AGAP1: variants seen among roughly 807,000 people sequenced by gnomAD.
AGAP1 encodes ArfGAP with GTPase domain, ankyrin repeat and PH domain 1, also known as arf-GAP with GTPase, ANK repeat and PH domain-containing protein 1.
A neutral mutation model predicts 105.3 loss-of-function variants in AGAP1; 29 were observed. The ratio of observed to expected loss-of-function variants is 0.28; its 90% CI spans 0.21 to 0.38. The LOEUF (loss-of-function observed/expected upper bound fraction) is 0.38. AGAP1 is among the 10% of genes least tolerant of loss of function. AGAP1 has a pLI of 1.00. For missense variants in AGAP1, 998 were observed against 1,165.1 expected, an observed-to-expected ratio of 0.86 and a Z score of 2.09; for synonymous variants, 509 against 485.9, an observed-to-expected ratio of 1.05 and a Z score of -0.63.
chr2:235,797,702 G>A, intron 6 of AGAP1, 57 bp from the exon 7 acceptor site: 2 of 1,609,032 alleles, frequency 1.2e-6, no homozygotes, highest in Non-Finnish European at 1.7e-6. Flanking sequence ...TCTCTGCTCT[G>A]TTCCTGAATT....
rs2060072757 is a variant in AGAP1 at position 236,130,817 on chromosome 2, G to A, written c.*6695G>A. ...GTTCTCAGGGTAGGAGAACAGAGAAGGCTCCAAGGGTGTTGGGAGTGAGCC... is the reference window on the plus strand; with the variant it reads ...GTTCTCAGGGTAGGAGAACAGAGAAAGCTCCAAGGGTGTTGGGAGTGAGCC... On this transcript the variant is annotated 3_prime_UTR_variant, in exon 18 of 18. Transcript: ENST00000304032. This position sits in a 1 kb window ranked among gnomAD's most constrained non-coding sequence, Gnocchi z 5.8. The A allele has an allele frequency of 6.6e-6, 1 of 152,466 alleles. No individual in the cohort carries two copies. Among genetic ancestry groups the A allele is most frequent in the Admixed American group, 6.5e-5 (1 of 15,288 alleles). The allele number at this position is 152,466 out of a possible 1,614,324, so 9.4% of individuals were successfully genotyped here.
In AGAP1 at chr2:235,936,616, A is replaced by AT. The variant is rs529087705; in HGVS notation, c.1483+5701dup. Among the ~76,000 whole-genome samples, 150 of 151,950 alleles carry AT rather than the reference A, an allele frequency of 9.9e-4. No homozygotes were observed. The highest frequency in any genetic ancestry group is 2.1e-3 in the Admixed American group (32 of 15,252). ...CAATTTTAATCATTATAGTTGGAGC[A>AT]TTTTTTTTCTCTTCTTGGATATTAT... On this transcript the variant is annotated intron_variant, in intron 12 of 17. Transcript: ENST00000304032. The surrounding 1 kb of genome is among the most constrained non-coding windows in gnomAD (Gnocchi z 4.7).
At chr2:235,944,530 C>T (rs2053404430) in intron 12 of AGAP1, among the ~76,000 whole-genome samples, 2 of 152,240 alleles carry the variant, frequency 1.3e-5, no homozygotes, top group Admixed American at 6.5e-5. Flanking sequence ...TTTAAGCTTT[C>T]CAAGTTGGGA....
In AGAP1 at chr2:236,095,094, C is replaced by T. The variant is rs1479452035; in HGVS notation, c.2115-25098C>T. On this transcript the variant is annotated intron_variant, in intron 16 of 17. Coordinates refer to ENST00000304032, the MANE Select transcript of AGAP1 (RefSeq NM_001037131.3). This position sits in a 1 kb window ranked among gnomAD's most constrained non-coding sequence, Gnocchi z 4.1. ...AGCCTTGGTGAGAGTGAGACACTGT[C>T]TCAAAAAAGTTGTGGGGGCAGGGCA... 6.7e-6 allele frequency among the ~76,000 whole-genome samples: 1 copy of T among 150,262 alleles called. No homozygotes were observed. The highest frequency in any genetic ancestry group is 1.5e-5 in the Non-Finnish European group (1 of 67,702).
chr2:236,059,853 A>C (rs1209182010), intron 16 of AGAP1, among the ~76,000 whole-genome samples: 1 of 152,176 alleles, frequency 6.6e-6, no homozygotes, highest in Admixed American at 6.5e-5. Context: ...GCACTTTGGG[A>C]GGCTGAGGCG....
At position 235,639,570 on chromosome 2, in the gene AGAP1, C is replaced by T. The variant is rs186853658; in HGVS notation, c.164-69609C>T. ...ATCTCATGGTGGGTGGGACTTGTCG[C>T]CGTCATGCACTCAGCACTCTCTGGC... On this transcript the variant is annotated intron_variant, in intron 1 of 17. Transcript: ENST00000304032. The surrounding 1 kb of genome is among the most constrained non-coding windows in gnomAD (Gnocchi z 5.3). Among the ~76,000 whole-genome samples the T allele has an allele frequency of 6.6e-6, 1 of 152,150 alleles. No homozygotes were observed. Among genetic ancestry groups the T allele is most frequent in the Non-Finnish European group, 1.5e-5 (1 of 68,032 alleles).
At chr2:235,859,390 A>ACCC (rs1464279454) in intron 9 of AGAP1, among the ~76,000 whole-genome samples, 7 of 21,382 alleles carry the variant, frequency 3.3e-4, no homozygotes, top group East Asian at 3.3e-3. Context: ...TCCCCCCACA[A>ACCC]CCTCCCCCCC....
In AGAP1 at chr2:235,992,421, G is replaced by A. The variant is rs964318192; in HGVS notation, c.1645+23798G>A. ...AACTCCTGTGCTTTGAGTGTCTGGC[G>A]TTCAGTGGCAGGGGACCCTCCATGT... is the stretch of plus-strand genomic sequence containing the variant. On this transcript the variant is annotated intron_variant, in intron 13 of 17. Coordinates refer to ENST00000304032, the MANE Select transcript of AGAP1 (RefSeq NM_001037131.3). The surrounding 1 kb of genome is among the most constrained non-coding windows in gnomAD (Gnocchi z 4.8). Among the ~76,000 whole-genome samples the A allele has an allele frequency of 1.3e-5, 2 of 152,142 alleles. No homozygotes were observed. Among genetic ancestry groups the A allele is most frequent in the Non-Finnish European group, 2.9e-5 (2 of 68,020 alleles).
rs12472982 is a variant in AGAP1 at position 235,788,018 on chromosome 2, T to C, written c.674-9741T>C. ...AAGAGTTTGACCAAGTATTATACAT[T>C]CTGGGACCTTCCTAGGCCATTGGCA... On this transcript the variant is annotated intron_variant, in intron 6 of 17. Coordinates refer to ENST00000304032, the MANE Select transcript of AGAP1 (RefSeq NM_001037131.3). This position sits in a 1 kb window ranked among gnomAD's most constrained non-coding sequence, Gnocchi z 6.0. Among the ~76,000 whole-genome samples, 39,334 of 152,134 alleles carry C rather than the reference T, an allele frequency of 0.26. 5,452 individuals are homozygous for C. The highest frequency in any genetic ancestry group is 0.4 in the Admixed American group (6,053 of 15,286).
chr2:235,682,107 T>A (rs569503711), intron 1 of AGAP1, among the ~76,000 whole-genome samples: 5 of 152,212 alleles, frequency 3.3e-5, no homozygotes, highest in Non-Finnish European at 7.4e-5. Context: ...CATCTTGGCC[T>A]CCCAAAGTGC....
chr2:235,625,131 G>A lies in AGAP1; in HGVS notation c.164-84048G>A, dbSNP rs1423208184. On this transcript the variant is annotated intron_variant, in intron 1 of 17. Coordinates refer to ENST00000304032, the MANE Select transcript of AGAP1 (RefSeq NM_001037131.3). The surrounding 1 kb of genome is among the most constrained non-coding windows in gnomAD (Gnocchi z 4.0). ...CACAGCAGGTGTGATCATTGGATGA[G>A]GAAGGCTCTCGGAATCATTCCAGGT... Among the ~76,000 whole-genome samples the A allele has an allele frequency of 6.6e-6, 1 of 152,176 alleles. No individual in the cohort carries two copies. Among genetic ancestry groups the A allele is most frequent in the Non-Finnish European group, 1.5e-5 (1 of 68,042 alleles).
rs2050558111 is a variant in AGAP1 at position 235,891,785 on chromosome 2, T to A, written c.1155+8336T>A. On this transcript the variant is annotated intron_variant, in intron 10 of 17. Transcript: ENST00000304032. The surrounding 1 kb of genome is among the most constrained non-coding windows in gnomAD (Gnocchi z 4.2). ...TGGCTCTCTGGGCTTCCTCAGGAGG[T>A]CGTTTGGCAGCTGTGAAACTCCTCC... 6.6e-6 allele frequency among the ~76,000 whole-genome samples: 1 copy of A among 151,852 alleles called. No individual in the cohort carries two copies. Among genetic ancestry groups the A allele is most frequent in the African/African-American group, 2.4e-5 (1 of 41,288 alleles).
intron 2 of AGAP1, among the ~76,000 whole-genome samples, chr2:235,715,795 C>G (rs755841056): frequency 2.0e-5 from 3 of 152,120 alleles, no homozygotes; most frequent in Non-Finnish European, 2.9e-5. Context: ...GAGGTGGCAG[C>G]AAGGTGCCCA....
At chr2:235,880,986 T>C (rs2049994309) in intron 9 of AGAP1, among the ~76,000 whole-genome samples, 1 of 152,220 alleles carries the variant, frequency 6.6e-6, no homozygotes, top group East Asian at 1.9e-4. Flanking sequence ...AGTTCCATAT[T>C]TGGTGTATAG....
chr2:235,833,105 C>A (rs1959643413), intron 9 of AGAP1, among the ~76,000 whole-genome samples: 1 of 152,232 alleles, frequency 6.6e-6, no homozygotes, highest in South Asian at 2.1e-4. Context: ...CGGAGAGCAG[C>A]TGGCTCTGGA....
chr2:235,581,448 CT>C (rs60302284), intron 1 of AGAP1, among the ~76,000 whole-genome samples: 29,943 of 135,906 alleles, frequency 0.22, 4,064 homozygotes, highest in African/African-American at 0.4. Context: ...TTATATTGTT[CT>C]TTTTTTTTTT....
At chr2:235,802,733 ATGGTTGTGATGGTGG>A (rs1308400717) in intron 8 of AGAP1, among the ~76,000 whole-genome samples, 1 of 75,438 alleles carries the variant, frequency 1.3e-5, no homozygotes, top group East Asian at 4.0e-4. Context: ...TGTGATGGTG[ATGGTTGTGATGGTGG>A]TGGTGATGGT....
intron 1 of AGAP1, among the ~76,000 whole-genome samples, chr2:235,628,594 C>G (rs781353043): frequency 9.2e-5 from 14 of 151,554 alleles, no homozygotes; most frequent in Non-Finnish European, 2.1e-4. Flanking sequence ...CTTGAATGCT[C>G]TGGAAAGAAG....
At chr2:236,059,103 G>A (rs1399315042) in intron 16 of AGAP1, among the ~76,000 whole-genome samples, 1 of 151,774 alleles carries the variant, frequency 6.6e-6, no homozygotes, top group East Asian at 1.9e-4. Context: ...GAGGCTGGAG[G>A]ATTACTTGAA....
Sources: gnomAD v4.1 joint callset for allele counts (sites outside exome capture counted in the v4.1 genomes callset) on GRCh38, gnomAD v4.1.1 for gene constraint, Gnocchi (gnomAD v3.1) non-coding constraint, MANE v1.5 for transcripts, NCBI Gene and HGNC (gene_info 2026-07-23, HGNC 2026-07-21) for gene names.